SOX6: variants seen among roughly 807,000 people sequenced by gnomAD.
SOX6 encodes SRY-box transcription factor 6.
Under a neutral mutation model 97.8 loss-of-function variants are expected in SOX6, and 11 were observed. The ratio of observed to expected loss-of-function variants is 0.11; its 90% confidence interval spans 0.07 to 0.19. The LOEUF (loss-of-function observed/expected upper bound fraction) is 0.19. SOX6 is among the 10% of genes least tolerant of loss of function. The probability of loss-of-function intolerance (pLI) is 1.00; values close to 1 mark genes in which losing one functional copy is unlikely to be tolerated. For synonymous variants in SOX6, 360 were observed against 371.4 expected (o/e 0.97, Z 0.35); for missense variants, 810 against 1,039.5 (o/e 0.78, Z 3.04).
chr11:16,304,425 C>T (rs906398811), intron 3 of SOX6, among the ~76,000 whole-genome samples: 1 of 152,074 alleles, frequency 6.6e-6, no homozygotes, highest in Non-Finnish European at 1.5e-5. Context: ...GTGGCTTCCA[C>T]TATGGGAGAA....
chr11:16,189,442 C>T (rs947424375), intron 4 of SOX6, among the ~76,000 whole-genome samples: 7 of 151,202 alleles, frequency 4.6e-5, no homozygotes, highest in African/African-American at 1.7e-4. Context: ...TGTGTGTGTA[C>T]ACATATGTTG....
chr11:16,661,356 T>A (rs1212716443), intron 3 of SOX6, among the ~76,000 whole-genome samples: 1 of 152,208 alleles, frequency 6.6e-6, no homozygotes, highest in Non-Finnish European at 1.5e-5. Flanking sequence ...GGGCTTTTTG[T>A]AAACAAAATA....
At chr11:16,283,012 G>A (rs574005320) in intron 3 of SOX6, among the ~76,000 whole-genome samples, 1 of 49,436 alleles carries the variant, frequency 2.0e-5, no homozygotes, top group African/African-American at 5.6e-5. Context: ...AGCCCTATGA[G>A]ATGTGAGTAT....
intron 12 of SOX6, among the ~76,000 whole-genome samples, chr11:16,029,469 C>G (rs1192660304): frequency 6.6e-6 from 1 of 152,064 alleles, no homozygotes; most frequent in Non-Finnish European, 1.5e-5. Context: ...AACCCCATCT[C>G]TACTACAAAT....
intron 6 of SOX6, among the ~76,000 whole-genome samples, chr11:16,175,125 A>G (rs1314623206): frequency 2.0e-5 from 3 of 151,952 alleles, no homozygotes; most frequent in South Asian, 2.1e-4. Flanking sequence ...CACATTGATT[A>G]TTCTATATTC....
rs1564972184 is a variant in SOX6 at position 16,132,386 on chromosome 11, GAAAGAAAGAAAGAAAAA to G, written c.778-20480_778-20464del. On this transcript the variant is annotated intron_variant, in intron 6 of 15. Transcript: ENST00000683767. ...AGAAAGAAAGAAAGAAAGAAAGAAA[GAAAGAAAGAAAGAAAAA>G]AGAAAGAAAGAAAGAAAGAAAGAAA... Among the ~76,000 whole-genome samples the G allele has an allele frequency of 1.7e-3, 133 of 79,532 alleles. 5 individuals carry two copies. The highest frequency in any genetic ancestry group is 0.014 in the Admixed American group (93 of 6,460). The allele number at this position is 79,532 out of a possible 152,430, so 52.2% of individuals were successfully genotyped here. A position where few individuals can be genotyped will look rare whatever the true frequency, so the allele number is the denominator to read the frequency against.
intron 1 of SOX6, among the ~76,000 whole-genome samples, chr11:16,462,779 G>C (rs1031592731): frequency 2.0e-5 from 3 of 152,162 alleles, no homozygotes; most frequent in African/African-American, 7.2e-5. Context: ...AAACTCAGCA[G>C]GGCAGGCAAC....
intron 6 of SOX6, among the ~76,000 whole-genome samples, chr11:16,132,419 AAGAAAGAAAGAAAGAAAGAAAGAAAAAAG>A (rs1849815993): frequency 8.8e-6 from 1 of 113,682 alleles, no homozygotes; most frequent in African/African-American, 3.9e-5. Context: ...GAAAGAAAGA[AAGAAAGAAAGAAAGAAAGAAAGAAAAAAG>A]AAAGAAAGAA....
In SOX6 at chr11:16,605,055, G is replaced by A. The variant is rs1471044385; in HGVS notation, n.609+7026C>T. Among the ~76,000 whole-genome samples, 1 of 152,140 alleles carries A rather than the reference G, an allele frequency of 6.6e-6. No individual in the cohort carries two copies. Among genetic ancestry groups the A allele is most frequent in the African/African-American group, 2.4e-5 (1 of 41,550 alleles). On this transcript the variant is annotated intron_variant and non_coding_transcript_variant, in intron 4 of 5. Transcript: ENST00000524520. The surrounding 1 kb of genome is among the most constrained non-coding windows in gnomAD (Gnocchi z 5.3). ...GGCCCTTTAAGGGAGAAGGAAGAAAGCAGCTCCCGCGGGAGCGGCCGGGCT... is the reference window on the plus strand; with the variant it reads ...GGCCCTTTAAGGGAGAAGGAAGAAAACAGCTCCCGCGGGAGCGGCCGGGCT...
chr11:16,352,902 C>G (rs1471004598), intron 1 of SOX6, among the ~76,000 whole-genome samples: 1 of 151,992 alleles, frequency 6.6e-6, no homozygotes, highest in African/African-American at 2.4e-5. Context: ...AATTTGACAA[C>G]AAAATTGGTT....
intron 1 of SOX6, among the ~76,000 whole-genome samples, chr11:16,447,591 T>C (rs936736023): frequency 1.3e-5 from 2 of 152,130 alleles, no homozygotes; most frequent in Admixed American, 6.6e-5. Context: ...TATTAATAGA[T>C]TATACACTAC....
chr11:16,448,712 C>A (rs566121905), intron 1 of SOX6, among the ~76,000 whole-genome samples: 1 of 152,088 alleles, frequency 6.6e-6, no homozygotes, highest in East Asian at 1.9e-4. Flanking sequence ...GAATGTATCA[C>A]CCTATCTCAT....
At chr11:16,549,381 C>T (rs1327935207) in intron 4 of SOX6, among the ~76,000 whole-genome samples, 2 of 151,646 alleles carry the variant, frequency 1.3e-5, no homozygotes, top group African/African-American at 4.9e-5. Flanking sequence ...GTTGGTCAGG[C>T]TGGTCTCAAA....
rs569351978 is a variant in SOX6 at position 16,416,440 on chromosome 11, C to A, written c.-5+59875G>T. Among the ~76,000 whole-genome samples the A allele has an allele frequency of 2.0e-5, 3 of 152,230 alleles. No individual in the cohort carries two copies. In the East Asian group the frequency reaches 5.8e-4, roughly 29 times the overall value. ...ATGACATTTTAGAGGATTCCACTAC[C>A]TTCTAAAATACCAGATTTGGAAAAC... On this transcript the variant is annotated intron_variant, in intron 1 of 15. Coordinates refer to the SOX6 transcript ENST00000396356.
At chr11:16,221,203 T>C (rs1852528100) in intron 4 of SOX6, among the ~76,000 whole-genome samples, 1 of 152,086 alleles carries the variant, frequency 6.6e-6, no homozygotes, top group African/African-American at 2.4e-5. Context: ...GCATTGATTA[T>C]GCAAATAAAA....
intron 4 of SOX6, among the ~76,000 whole-genome samples, chr11:16,552,609 C>T (rs1322599687): frequency 6.6e-6 from 1 of 152,202 alleles, no homozygotes; most frequent in Non-Finnish European, 1.5e-5. Flanking sequence ...CAAGATATTG[C>T]TACCCATGAC....
chr11:16,632,300 A>G (rs904870156), intron 3 of SOX6, among the ~76,000 whole-genome samples: 3 of 151,944 alleles, frequency 2.0e-5, no homozygotes, highest in Non-Finnish European at 2.9e-5. Flanking sequence ...CCTTTCCCCC[A>G]AGGTCTGCTG....
At chr11:16,706,473 T>A (rs59964646) in intron 3 of SOX6, among the ~76,000 whole-genome samples, 10,041 of 14,882 alleles carry the variant, frequency 0.67, 3,751 homozygotes, top group South Asian at 0.73. Context: ...AAAAAAAAAA[T>A]ATATATATAT....
At chr11:16,288,438 G>T (rs1428307089) in intron 3 of SOX6, among the ~76,000 whole-genome samples, 1 of 151,882 alleles carries the variant, frequency 6.6e-6, no homozygotes, top group South Asian at 2.1e-4. Flanking sequence ...TGTTTACAAG[G>T]GCATTAGATA....
Sources: allele counts gnomAD v4.1 joint callset (sites outside exome capture counted in the v4.1 genomes callset), GRCh38; gene constraint gnomAD v4.1.1; non-coding constraint Gnocchi (gnomAD v3.1); transcripts MANE v1.5; gene names NCBI Gene and HGNC (gene_info 2026-07-23, HGNC 2026-07-21).